Variants in SAP130 observed in about 807,000 individuals in gnomAD.
The protein encoded by SAP130 is histone deacetylase complex subunit SAP130.
In SAP130, 16 loss-of-function variants were observed where a neutral mutation model predicts 103.2. The ratio of observed to expected loss-of-function variants is 0.16; its 90% CI spans 0.10 to 0.24. SAP130 has a LOEUF of 0.24. SAP130 is among the 10% of genes least tolerant of loss of function. The pLI is 1.00. For synonymous variants in SAP130, 477 were observed against 497.0 expected (o/e 0.96, Z 0.53); for missense variants, 990 against 1,359.7 (o/e 0.73, Z 4.28).
At chr2:128,022,383 C>G (rs1161623515) in intron 2 of SAP130, among the ~76,000 whole-genome samples, 2 of 152,096 alleles carry the variant, frequency 1.3e-5, no homozygotes, top group African/African-American at 2.4e-5. Flanking sequence ...TGGTGAGAAC[C>G]CTGTTTTGGC....
At chr2:128,027,906 C>T in intron 1 of SAP130, 34 bp downstream of exon 1, 1 of 983,692 alleles carries the variant, frequency 1.0e-6, no homozygotes, top group Non-Finnish European at 1.2e-6. Flanking sequence ...CTCGTCTCCT[C>T]CCCTTCCCTC....
Position 127,941,636 on chromosome 2 carries a change from G to T in SAP130, c.*370C>A. 1 of 219,112 alleles carries T rather than the reference G, an allele frequency of 4.6e-6. No individual in the cohort carries two copies. Among genetic ancestry groups the T allele is most frequent in the Non-Finnish European group, 8.9e-6 (1 of 112,814 alleles). The allele number at this position is 219,112 out of a possible 1,614,324, so 13.6% of individuals were successfully genotyped here. A position where few individuals can be genotyped will look rare whatever the true frequency, so the allele number is the denominator to read the frequency against. ...CAGATGGTCCGAGTGGATACTTTCA[G>T]TCCAGGCTCAGTATGGGGCCTGCAG... is the stretch of plus-strand genomic sequence containing the variant. On this transcript the variant is annotated 3_prime_UTR_variant, in exon 21 of 21. Transcript: ENST00000643581.
At chr2:127,963,580 T>A (rs1680414981) in intron 15 of SAP130, among the ~76,000 whole-genome samples, 1 of 152,284 alleles carries the variant, frequency 6.6e-6, no homozygotes, top group Middle Eastern at 3.4e-3. Context: ...GAATTTTGAG[T>A]CATAATGTGT....
At chr2:128,016,263 G>T in intron 4 of SAP130, 126 bp downstream of exon 4, 1 of 930,184 alleles carries the variant, frequency 1.1e-6, no homozygotes, top group Non-Finnish European at 1.6e-6. Flanking sequence ...ATCTTCACTT[G>T]CAGGTATCAG....
chr2:127,964,389 G>T (rs899695069), intron 15 of SAP130, among the ~76,000 whole-genome samples: 1 of 151,170 alleles, frequency 6.6e-6, no homozygotes, highest in Admixed American at 6.6e-5. Context: ...AGCTACTCGG[G>T]AGGCTGAGGC....
chr2:128,010,885 A>T (rs577974341), intron 6 of SAP130, among the ~76,000 whole-genome samples: 1 of 151,886 alleles, frequency 6.6e-6, no homozygotes, highest in South Asian at 2.1e-4. Context: ...AAGAAAAAAA[A>T]AAAAGACTAA....
rs1410213531 is a variant in SAP130 at position 127,953,980 on chromosome 2, A to G, written c.2422+1006T>C. On this transcript the variant is annotated intron_variant, in intron 16 of 20. Transcript: ENST00000643581. This position sits in a 1 kb window ranked among gnomAD's most constrained non-coding sequence, Gnocchi z 4.0. The stretch of plus-strand genomic sequence containing the variant: ...GGATAAAGCTGCATTTGTCTTACAC[A>G]AAGTTGCATCGTCAGTGCCCAGAAC... Among the ~76,000 whole-genome samples the G allele has an allele frequency of 1.3e-5, 2 of 152,230 alleles. No homozygotes were observed. The highest frequency in any genetic ancestry group is 2.4e-5 in the African/African-American group (1 of 41,466).
intron 3 of SAP130, 30 bp from the exon 4 acceptor site, chr2:128,016,577 C>T (rs769013133): frequency 6.3e-7 from 1 of 1,593,268 alleles, no homozygotes; most frequent in Non-Finnish European, 8.6e-7. Flanking sequence ...CAAAACATAT[C>T]AATGGCCTCA....
In SAP130 at chr2:128,017,688, G is replaced by C; in HGVS notation, c.340C>G (p.Leu114Val). 6.2e-7 allele frequency: 1 copy of C among 1,614,092 alleles called. No homozygotes were observed. The highest frequency in any genetic ancestry group is 2.2e-5 in the East Asian group (1 of 44,890). ...PAVPLSFSEG[L>V]MKPPPKPTMP... Reference sequence around the variant, plus strand: ...TTAACCCTCTCCATTACCTTCATAAGTCCCTCCGAAAATGAAAGTGGCACT... The same window carrying C: ...TTAACCCTCTCCATTACCTTCATAACTCCCTCCGAAAATGAAAGTGGCACT... Residue 114 changes from leucine to valine, a missense_variant, in exon 3 of 21, where the codon CTT becomes GTT. Physicochemically the swap from Leu to Val is conservative, Grantham distance 32. Coordinates refer to ENST00000643581, the MANE Select transcript of SAP130 (RefSeq NM_001330301.2).
At position 127,996,961 on chromosome 2, in the gene SAP130, A is replaced by C. The variant is rs558002530; in HGVS notation, c.1214-470T>G. Among the ~76,000 whole-genome samples the C allele has an allele frequency of 8.5e-5, 13 of 152,264 alleles. No homozygotes were observed. In the East Asian group the frequency reaches 1.4e-3, roughly 16 times the overall value. On this transcript the variant is annotated intron_variant, in intron 10 of 20. Transcript: ENST00000643581. The surrounding 1 kb of genome is among the most constrained non-coding windows in gnomAD (Gnocchi z 4.3). ...ACAATTTTGGATTAAAAAACGGAAA[A>C]AACAAACAAACAAAAAACCTTGGAT...
intron 2 of SAP130, among the ~76,000 whole-genome samples, chr2:128,023,539 G>C (rs1344313988): frequency 1.3e-5 from 2 of 152,122 alleles, no homozygotes; most frequent in Non-Finnish European, 2.9e-5. Context: ...CAGCACTTTG[G>C]GAGGCTGAGG....
intron 15 of SAP130, among the ~76,000 whole-genome samples, chr2:127,969,156 G>GT (rs1257946037): frequency 6.6e-6 from 1 of 152,198 alleles, no homozygotes; most frequent in Non-Finnish European, 1.5e-5. Flanking sequence ...GTGGAGTGGG[G>GT]TGGAGGTTGG....
At chr2:128,024,516 C>A (rs921421085) in intron 2 of SAP130, among the ~76,000 whole-genome samples, 3 of 151,964 alleles carry the variant, frequency 2.0e-5, no homozygotes, top group Non-Finnish European at 2.9e-5. Flanking sequence ...GAGTTTGAGA[C>A]CAGCTTCGGC....
intron 12 of SAP130, among the ~76,000 whole-genome samples, chr2:127,991,543 G>A (rs1447209892): frequency 1.3e-5 from 2 of 151,986 alleles, no homozygotes; most frequent in East Asian, 3.9e-4. Context: ...GTCTCATCTA[G>A]CTTGATCTCA....
chr2:127,961,798 C>CA (rs1680274030), intron 15 of SAP130, among the ~76,000 whole-genome samples: 1 of 152,056 alleles, frequency 6.6e-6, no homozygotes, highest in Non-Finnish European at 1.5e-5. Context: ...TATGTTGCTT[C>CA]CTTGGTTCTC....
At position 127,942,587 on chromosome 2, in the gene SAP130, T is replaced by C. The variant is rs1261184987; in HGVS notation, c.2902-50A>G. On this transcript the variant is annotated intron_variant, in intron 19 of 20. Coordinates refer to ENST00000643581, the MANE Select transcript of SAP130 (RefSeq NM_001330301.2). This position sits in a 1 kb window ranked among gnomAD's most constrained non-coding sequence, Gnocchi z 4.8. ...TCATAAGCTCGGAAATATTTTTCTA[T>C]GTCAACCCCAGGCAAATGAACCCAC... is the stretch of plus-strand genomic sequence containing the variant. 1 of 1,170,454 alleles carries C rather than the reference T, an allele frequency of 8.5e-7. No homozygotes were observed. 72.5% of individuals were successfully genotyped at this position (1,170,454 alleles called of 1,614,324 possible). A position where few individuals can be genotyped will look rare whatever the true frequency, so the allele number is the denominator to read the frequency against.
chr2:127,989,455 A>G lies in SAP130; in HGVS notation c.1780+109T>C. On this transcript the variant is annotated intron_variant, in intron 13 of 20. Transcript: ENST00000643581. The surrounding 1 kb of genome is among the most constrained non-coding windows in gnomAD (Gnocchi z 4.6). ...ACTCATATTATTAATACAAAGAAGAAAAGGCCTAGAGAAATTATAAGACGA... is the reference window on the plus strand; with the variant it reads ...ACTCATATTATTAATACAAAGAAGAGAAGGCCTAGAGAAATTATAAGACGA... The G allele has an allele frequency of 1.0e-6, 1 of 988,682 alleles. No individual in the cohort carries two copies. Among genetic ancestry groups the G allele is most frequent in the South Asian group, 1.7e-5 (1 of 58,640 alleles). The allele number at this position is 988,682 out of a possible 1,614,324, so 61.2% of individuals were successfully genotyped here.
chr2:127,945,025 G>A (rs1678979668), intron 19 of SAP130, among the ~76,000 whole-genome samples: 1 of 152,250 alleles, frequency 6.6e-6, no homozygotes, highest in East Asian at 1.9e-4. Flanking sequence ...GAAGCTGGCA[G>A]GGAACTGGAG....
At chr2:127,967,782 C>G in intron 15 of SAP130, among the ~76,000 whole-genome samples, 1 of 152,134 alleles carries the variant, frequency 6.6e-6, no homozygotes, top group East Asian at 1.9e-4. Flanking sequence ...GACTGGAACA[C>G]TAAACAAACT....
Sources: gnomAD v4.1 joint callset for allele counts (sites outside exome capture counted in the v4.1 genomes callset) on GRCh38, gnomAD v4.1.1 for gene constraint, Gnocchi (gnomAD v3.1) non-coding constraint, MANE v1.5 for transcripts, NCBI Gene and HGNC (gene_info 2026-07-23, HGNC 2026-07-21) for gene names.